Variants in ZC3H7B observed in about 807,000 individuals in gnomAD.
ZC3H7B encodes zinc finger CCCH-type containing 7B.
Under a neutral mutation model 116.0 loss-of-function variants are expected in ZC3H7B, and 35 were observed. The ratio of observed to expected loss-of-function variants is 0.30; its 90% CI spans 0.23 to 0.40. The LOEUF (loss-of-function observed/expected upper bound fraction) is 0.40. Ranked by LOEUF, ZC3H7B falls within the 10% of genes least tolerant of loss-of-function variation. The probability of loss-of-function intolerance (pLI) is 1.00; values close to 1 mark genes in which losing one functional copy is unlikely to be tolerated. For synonymous variants in ZC3H7B, 502 were observed against 545.6 expected, an observed-to-expected ratio of 0.92 and a Z score of 1.11; for missense variants, 1,011 against 1,321.5, an observed-to-expected ratio of 0.77 and a Z score of 3.64.
intron 1 of ZC3H7B, among the ~76,000 whole-genome samples, chr22:41,311,447 G>C (rs1310394668): frequency 6.6e-6 from 1 of 152,100 alleles, no homozygotes; most frequent in Non-Finnish European, 1.5e-5. Flanking sequence ...ATCCAGCTGA[G>C]ATGGCACCAA....
intron 5 of ZC3H7B, 81 bp from the exon 6 acceptor site, chr22:41,329,942 T>C: frequency 6.8e-7 from 1 of 1,474,680 alleles, no homozygotes; most frequent in Non-Finnish European, 9.4e-7. Flanking sequence ...CCTCCCTCCG[T>C]AGGGCTGCAC....
chr22:41,315,262 G>T (rs940812873), intron 1 of ZC3H7B, among the ~76,000 whole-genome samples: 1 of 151,694 alleles, frequency 6.6e-6, no homozygotes, highest in Non-Finnish European at 1.5e-5. Context: ...GTGCATCCTT[G>T]ACCTCCTGGG....
In ZC3H7B at chr22:41,359,263, A is replaced by G. The variant is rs2036758696; in HGVS notation, c.*1834A>G. On this transcript the variant is annotated 3_prime_UTR_variant, in exon 23 of 23. Transcript: ENST00000352645. ...CACCAGCCTTGTTTCTAGTGTGTAT[A>G]TATGTCGCCCCCGTGATGCATATAT... The G allele has an allele frequency of 6.6e-6, 1 of 152,650 alleles. No homozygotes were observed. The highest frequency in any genetic ancestry group is 2.1e-4 in the South Asian group (1 of 4,832). The allele number at this position is 152,650 out of a possible 1,614,324, so 9.5% of individuals were successfully genotyped here.
intron 11 of ZC3H7B, among the ~76,000 whole-genome samples, chr22:41,341,518 C>T (rs1254068882): frequency 4.6e-5 from 7 of 151,888 alleles, no homozygotes; most frequent in African/African-American, 1.5e-4. Flanking sequence ...CCGAGTTGGG[C>T]GGATCACAAG....
chr22:41,356,795 C>T lies in ZC3H7B; in HGVS notation c.2668C>T (p.Arg890Trp), dbSNP rs2036725064. Residue 890 changes from arginine to tryptophan, a missense_variant, in exon 22 of 23, where the codon CGG becomes TGG. Arg to Trp is a moderately radical substitution (Grantham distance 101). Transcript: ENST00000352645. ...CTTCCGCTTCCCCATGGGCGAGTTC[C>T]GGCTCTGCGACAGGTGCTCCTGGGA... The part of the protein sequence containing the change: ...WAFRFPMGEF[R>W]LCDRLQKGKA... The T allele has an allele frequency of 6.2e-7, 1 of 1,613,410 alleles. No individual in the cohort carries two copies. The highest frequency in any genetic ancestry group is 8.5e-7 in the Non-Finnish European group (1 of 1,179,952).
intron 15 of ZC3H7B, among the ~76,000 whole-genome samples, 180 bp downstream of exon 15, chr22:41,348,347 A>G (rs867324625): frequency 6.6e-6 from 1 of 152,228 alleles, no homozygotes; most frequent in African/African-American, 2.4e-5. Flanking sequence ...CATTTGTCGA[A>G]CATCTACTAT....
chr22:41,326,079 A>G (rs755986662), intron 4 of ZC3H7B, among the ~76,000 whole-genome samples, 161 bp downstream of exon 4: 3 of 152,132 alleles, frequency 2.0e-5, no homozygotes, highest in South Asian at 2.1e-4. Flanking sequence ...CTTAATCTCA[A>G]CTGTACAACA....
chr22:41,338,468 C>G lies in ZC3H7B; in HGVS notation c.625+113C>G. The G allele has an allele frequency of 1.8e-6, 2 of 1,128,046 alleles. No homozygotes were observed. The highest frequency in any genetic ancestry group is 3.1e-5 in the African/African-American group (2 of 65,068). 69.9% of individuals were successfully genotyped at this position (1,128,046 alleles called of 1,614,324 possible). ...GATGGGAGGGCCTCCGAGGGGTTCC[C>G]CACCCTGGTACTCCCTGAGGCATGG... On this transcript the variant is annotated intron_variant, in intron 8 of 22. Coordinates refer to ENST00000352645, the MANE Select transcript of ZC3H7B (RefSeq NM_017590.6). The surrounding 1 kb of genome is among the most constrained non-coding windows in gnomAD (Gnocchi z 4.5).
chr22:41,338,900 G>T lies in ZC3H7B; in HGVS notation c.626-101G>T. The T allele has an allele frequency of 7.8e-7, 1 of 1,285,284 alleles. No homozygotes were observed. The highest frequency in any genetic ancestry group is 1.0e-6 in the Non-Finnish European group (1 of 953,006). The allele number at this position is 1,285,284 out of a possible 1,614,324, so 79.6% of individuals were successfully genotyped here. Reference sequence around the variant, plus strand: ...GCAGGGCTCCTGGCAAGAGCTGAAAGAAGAAGGGAAAGTGTTGGATGAGCA... The same window carrying T: ...GCAGGGCTCCTGGCAAGAGCTGAAATAAGAAGGGAAAGTGTTGGATGAGCA... On this transcript the variant is annotated intron_variant, in intron 8 of 22. Transcript: ENST00000352645. The surrounding 1 kb of genome is among the most constrained non-coding windows in gnomAD (Gnocchi z 4.5).
intron 1 of ZC3H7B, among the ~76,000 whole-genome samples, chr22:41,317,560 T>TG (rs1197673935): frequency 1.3e-5 from 2 of 151,506 alleles, no homozygotes; most frequent in African/African-American, 4.9e-5. Context: ...GAGACTCAGG[T>TG]GGGAGGATTT....
Position 41,339,955 on chromosome 22 carries a change from C to A in ZC3H7B, c.956C>A (p.Ala319Asp). Reference protein sequence around the residue: ...SIPVSSPLPPASFGLVMDPSK... With the variant: ...SIPVSSPLPPDSFGLVMDPSK... ...CCTGTCTCCAGCCCACTGCCCCCCGCCTCCTTCGGCTTGGTCATGGACCCC... is the reference window on the plus strand; with the variant it reads ...CCTGTCTCCAGCCCACTGCCCCCCGACTCCTTCGGCTTGGTCATGGACCCC... Residue 319 changes from alanine to aspartate, a missense_variant, in exon 10 of 23, where the codon GCC becomes GAC. Around this residue, in one of 5 missense-constraint regions of ZC3H7B, gnomAD observed 322 missense variants for 443.9 expected, o/e 0.73. Coordinates refer to ENST00000352645, the MANE Select transcript of ZC3H7B (RefSeq NM_017590.6). The A allele has an allele frequency of 6.2e-7, 1 of 1,612,760 alleles. No homozygotes were observed. The highest frequency in any genetic ancestry group is 8.5e-7 in the Non-Finnish European group (1 of 1,180,010).
rs759371307 is a variant in ZC3H7B at position 41,330,115 on chromosome 22, C to T, written c.525+12C>T. On this transcript the variant is annotated intron_variant, in intron 6 of 22. Transcript: ENST00000352645. ...ATAAGAGGCCCCAGGTAGGTGGGTT[C>T]GGGACCCTGGGAGGGTCGGTGTGGA... 6 of 1,613,518 alleles carry T rather than the reference C, an allele frequency of 3.7e-6. No homozygotes were observed. The highest frequency in any genetic ancestry group is 3.3e-5 in the Admixed American group (2 of 59,984).
intron 10 of ZC3H7B, among the ~76,000 whole-genome samples, chr22:41,340,667 G>A (rs1186885293): frequency 6.6e-6 from 1 of 152,166 alleles, no homozygotes; most frequent in Non-Finnish European, 1.5e-5. Flanking sequence ...GCCAAAGGAG[G>A]CTTCCTGGAG....
rs532769394 is a variant in ZC3H7B, at chr22:41,351,308, A to G, written c.1949-253A>G. Among the ~76,000 whole-genome samples, 4 of 152,298 alleles carry G rather than the reference A, an allele frequency of 2.6e-5. No individual in the cohort carries two copies. Among genetic ancestry groups the G allele is most frequent in the South Asian group, 2.1e-4 (1 of 4,832 alleles). ...CTCCCTACCACAGTACAGAGCCAAT[A>G]TCTTTCTACTGCATTTTCCCACTCT... is the stretch of plus-strand genomic sequence containing the variant. On this transcript the variant is annotated intron_variant, in intron 16 of 22. Coordinates refer to ENST00000352645, the MANE Select transcript of ZC3H7B (RefSeq NM_017590.6). The surrounding 1 kb of genome is among the most constrained non-coding windows in gnomAD (Gnocchi z 5.1).
intron 13 of ZC3H7B, among the ~76,000 whole-genome samples, chr22:41,344,738 C>T (rs532826005): frequency 2.4e-4 from 36 of 152,326 alleles, no homozygotes; most frequent in African/African-American, 8.7e-4. Flanking sequence ...CCCCAGGAAA[C>T]AGCAGAGCTC....
chr22:41,304,055 CCTT>C (rs530829522), intron 1 of ZC3H7B, among the ~76,000 whole-genome samples: 2 of 146,824 alleles, frequency 1.4e-5, no homozygotes, highest in Non-Finnish European at 3.0e-5. Flanking sequence ...CCATGCCCAG[CCTT>C]CTTTTTATTT....
Position 41,316,001 on chromosome 22 carries a change from T to C in ZC3H7B, c.-6-4654T>C, listed in dbSNP as rs976267595. Among the ~76,000 whole-genome samples the C allele has an allele frequency of 2.0e-5, 3 of 152,102 alleles. No homozygotes were observed. The East Asian group carries it at 5.8e-4, about 29-fold the overall frequency. ...TCTATCCAAATAGTTTTTTTTTTTT[T>C]TTGAGACGGAGTTTCTCCCTTGTTT... On this transcript the variant is annotated intron_variant, in intron 1 of 22. Coordinates refer to ENST00000352645, the MANE Select transcript of ZC3H7B (RefSeq NM_017590.6).
rs1269328845 is a variant in ZC3H7B, at chr22:41,349,792, T to TAGTCGAG, written c.1948+492_1948+498dup. On this transcript the variant is annotated intron_variant, in intron 16 of 22. Transcript: ENST00000352645. This position sits in a 1 kb window ranked among gnomAD's most constrained non-coding sequence, Gnocchi z 4.9. ...CTTGTCAGGGCATTCAGCCATGGTC[T>TAGTCGAG]AGTCGAGGCCCTTACTTTCAGAGAA... 6.6e-6 allele frequency among the ~76,000 whole-genome samples: 1 copy of TAGTCGAG among 152,224 alleles called. No individual in the cohort carries two copies. The highest frequency in any genetic ancestry group is 6.5e-5 in the Admixed American group (1 of 15,284).
At chr22:41,303,431 C>T (rs528977536) in intron 1 of ZC3H7B, among the ~76,000 whole-genome samples, 2 of 152,260 alleles carry the variant, frequency 1.3e-5, no homozygotes, top group African/African-American at 4.8e-5. Flanking sequence ...GCTGATCTCT[C>T]GAGTCTTAGT....
Sources: gnomAD v4.1 joint callset for allele counts (sites outside exome capture counted in the v4.1 genomes callset) on GRCh38, gnomAD v4.1.1 for gene constraint, gnomAD v4.1.1 regional missense constraint, Gnocchi (gnomAD v3.1) non-coding constraint, MANE v1.5 for transcripts, NCBI Gene and HGNC (gene_info 2026-07-23, HGNC 2026-07-21) for gene names.